Variants in CTH observed in about 807,000 individuals in gnomAD.
CTH encodes cystathionine gamma-lyase, also known as cystathionase (cystathionine gamma-lyase).
CTH carries 41 observed loss-of-function variants against 50.6 expected under a neutral mutation model. The observed-to-expected ratio is 0.81, with a 90% CI of 0.63 to 1.05. The LOEUF (loss-of-function observed/expected upper bound fraction) is 1.05, where lower values mean the gene tolerates loss of function less well. Ranked by LOEUF, CTH falls within the 50% of genes least tolerant of loss-of-function variation. CTH has a pLI of 0.00. For missense variants in CTH, 470 were observed against 492.6 expected (o/e 0.95, Z 0.43); for synonymous variants, 156 against 168.9 (o/e 0.92, Z 0.59).
At chr1:70,418,313 G>A (rs553367602) in intron 3 of CTH, among the ~76,000 whole-genome samples, 4 of 152,040 alleles carry the variant, frequency 2.6e-5, no homozygotes, top group Admixed American at 2.0e-4. Flanking sequence ...GGAGTGGTAC[G>A]ATCTCAGCTC....
At chr1:70,421,415 C>T in intron 3 of CTH, 151 bp from the exon 4 acceptor site, 3 of 790,476 alleles carry the variant, frequency 3.8e-6, no homozygotes, top group Non-Finnish European at 6.3e-6. Context: ...ATCAGATAGC[C>T]AAACTATTTA....
chr1:70,431,956 C>T, intron 7 of CTH, 127 bp from the exon 8 acceptor site: 5 of 905,194 alleles, frequency 5.5e-6, no homozygotes, highest in Non-Finnish European at 8.9e-6. Context: ...TATTATTTTC[C>T]TCCTAGAACT....
At chr1:70,415,742 A>G (rs578128999) in intron 1 of CTH, among the ~76,000 whole-genome samples, 21 of 152,362 alleles carry the variant, frequency 1.4e-4, no homozygotes, top group African/African-American at 5.1e-4. Context: ...CATGCAGCTC[A>G]TAAGTGGCAG....
intron 1 of CTH, among the ~76,000 whole-genome samples, chr1:70,414,871 G>A (rs1684055777): frequency 6.6e-6 from 1 of 152,026 alleles, no homozygotes; most frequent in Non-Finnish European, 1.5e-5. Flanking sequence ...CCAGCCTGGA[G>A]TGCAGTGGCA....
intron 9 of CTH, 89 bp from the exon 10 acceptor site, chr1:70,435,036 C>A: frequency 1.6e-6 from 2 of 1,228,502 alleles, no homozygotes; most frequent in Non-Finnish European, 2.3e-6. Flanking sequence ...CAGGCATGAG[C>A]CACTGTGCCT....
intron 3 of CTH, among the ~76,000 whole-genome samples, chr1:70,418,923 A>G (rs1392587494): frequency 6.6e-6 from 1 of 150,782 alleles, no homozygotes; most frequent in Non-Finnish European, 1.5e-5. Context: ...AGAACTTCCC[A>G]TTAACTCTTC....
intron 4 of CTH, among the ~76,000 whole-genome samples, chr1:70,422,715 G>T (rs1303417620): frequency 1.3e-5 from 2 of 148,344 alleles, no homozygotes; most frequent in Admixed American, 6.8e-5. Context: ...GGGTTCAAAT[G>T]ATTCTCCTGC....
intron 3 of CTH, 147 bp from the exon 4 acceptor site, chr1:70,421,419 C>A: frequency 1.2e-6 from 1 of 810,870 alleles, no homozygotes. Flanking sequence ...GATAGCCAAA[C>A]TATTTAACCA....
chr1:70,418,071 T>A, intron 3 of CTH, 39 bp downstream of exon 3: 1 of 1,594,058 alleles, frequency 6.3e-7, no homozygotes, highest in Non-Finnish European at 8.6e-7. Context: ...TAAACTTGTA[T>A]TTTACAGATA....
At chr1:70,438,909 A>G (rs1684659719) in intron 11 of CTH, 83 bp downstream of exon 11, 25 of 1,606,118 alleles carry the variant, frequency 1.6e-5, no homozygotes, top group Non-Finnish European at 2.1e-5. Flanking sequence ...ATATTTACAA[A>G]GTGTGGTCTC....
chr1:70,426,980 T>C (rs1200707562), intron 5 of CTH, among the ~76,000 whole-genome samples: 1 of 152,216 alleles, frequency 6.6e-6, no homozygotes, highest in Admixed American at 6.5e-5. Context: ...TCTACCTTTT[T>C]GAAGCCCACA....
Position 70,432,080 on chromosome 1 carries a change from C to T in CTH, c.725-3C>T, listed in dbSNP as rs758360653. On this transcript the variant is annotated splice_polypyrimidine_tract_variant and splice_region_variant and intron_variant, in intron 7 of 11. Coordinates refer to ENST00000370938, the MANE Select transcript of CTH (RefSeq NM_001902.6). ...ACTTATCCAGGATGTGTTCATTTTG[C>T]AGCTCTTGGAGCAGTTCCATCTCCT... is the stretch of plus-strand genomic sequence containing the variant. 1.2e-6 allele frequency: 2 copies of T among 1,613,790 alleles called. No individual in the cohort carries two copies. The highest frequency in any genetic ancestry group is 1.3e-5 in the African/African-American group (1 of 74,926).
At chr1:70,433,249 A>G (rs1186865458) in intron 8 of CTH, among the ~76,000 whole-genome samples, 1 of 152,234 alleles carries the variant, frequency 6.6e-6, no homozygotes, top group Non-Finnish European at 1.5e-5. Flanking sequence ...AGCGAAATAC[A>G]TATGAAACTA....
At chr1:70,429,736 G>C in intron 5 of CTH, 58 bp from the exon 6 acceptor site, 1 of 1,163,264 alleles carries the variant, frequency 8.6e-7, no homozygotes, top group Non-Finnish European at 1.3e-6. Flanking sequence ...AAATAGGCAG[G>C]TAATGAAGCA....
At chr1:70,420,062 G>A (rs535181428) in intron 3 of CTH, among the ~76,000 whole-genome samples, 3 of 149,184 alleles carry the variant, frequency 2.0e-5, no homozygotes, top group South Asian at 4.2e-4. Context: ...GCACGATCTC[G>A]GCTCACTGCA....
chr1:70,438,349 G>T (rs1186820542), intron 10 of CTH, among the ~76,000 whole-genome samples: 2 of 152,124 alleles, frequency 1.3e-5, no homozygotes, highest in African/African-American at 4.8e-5. Context: ...ATGATTTCTG[G>T]CCAAACTTCA....
intron 3 of CTH, among the ~76,000 whole-genome samples, chr1:70,420,954 G>A (rs1684206900): frequency 6.6e-6 from 1 of 151,830 alleles, no homozygotes. Context: ...TGTTGTTATT[G>A]AGTATCAATA....
In CTH at chr1:70,411,353, A is replaced by C. The variant is rs536200050; in HGVS notation, c.-63A>C. ...CCTTCTGTCTCTCCCAACCCCGGAC[A>C]CCCGGCTTCGACTGGTTATATCTTC... is the stretch of plus-strand genomic sequence containing the variant. On this transcript the variant is annotated 5_prime_UTR_variant, in exon 1 of 12. Transcript: ENST00000370938. 4.5e-5 allele frequency: 71 copies of C among 1,576,142 alleles called. No individual in the cohort carries two copies. The African/African-American group carries it at 9.0e-4, about 20-fold the overall frequency.
chr1:70,439,143 A>G lies in CTH; in HGVS notation c.*16A>G, dbSNP rs771381952. On this transcript the variant is annotated 3_prime_UTR_variant, in exon 12 of 12. Coordinates refer to ENST00000370938, the MANE Select transcript of CTH (RefSeq NM_001902.6). Reference sequence around the variant, plus strand: ...TCACAGCTAGTATTCCAGAGCTGCTATTAGAAGCTGCTTCCTGTGAAGATC... The same window carrying G: ...TCACAGCTAGTATTCCAGAGCTGCTGTTAGAAGCTGCTTCCTGTGAAGATC... The G allele has an allele frequency of 1.9e-6, 3 of 1,609,128 alleles. No homozygotes were observed. Among genetic ancestry groups the G allele is most frequent in the Admixed American group, 1.7e-5 (1 of 60,012 alleles).
Sources: gnomAD v4.1 joint callset for allele counts (sites outside exome capture counted in the v4.1 genomes callset) on GRCh38, gnomAD v4.1.1 for gene constraint, MANE v1.5 for transcripts, NCBI Gene and HGNC (gene_info 2026-07-23, HGNC 2026-07-21) for gene names.